Variants in BIRC6 observed in about 807,000 individuals in gnomAD.
BIRC6 encodes baculoviral IAP repeat containing 6.
In BIRC6, 98 loss-of-function variants were observed where a neutral mutation model predicts 503.3. That is an observed-to-expected ratio of 0.19 (90% CI 0.17 to 0.23). The LOEUF (loss-of-function observed/expected upper bound fraction) is 0.23. BIRC6 is among the 10% of genes least tolerant of loss of function. The pLI is 1.00. For missense variants in BIRC6, 5,360 were observed against 5,806.0 expected (o/e 0.92, Z 2.50); for synonymous variants, 2,240 against 2,078.7 (o/e 1.08, Z -2.11).
chr2:32,461,975 G>A (rs2048041983), intron 23 of BIRC6, among the ~76,000 whole-genome samples: 2 of 151,672 alleles, frequency 1.3e-5, no homozygotes, highest in Non-Finnish European at 2.9e-5. Context: ...ATACGCTTTG[G>A]TTCTGATCCT....
intron 55 of BIRC6, among the ~76,000 whole-genome samples, 189 bp from the exon 56 acceptor site, chr2:32,518,064 TA>T (rs369464738): frequency 4.6e-5 from 7 of 151,844 alleles, no homozygotes; most frequent in African/African-American, 1.7e-4. Flanking sequence ...TATTTTAAGA[TA>T]AAATCATTTC....
At chr2:32,481,014 G>T (rs906015742) in intron 37 of BIRC6, among the ~76,000 whole-genome samples, 1 of 151,998 alleles carries the variant, frequency 6.6e-6, no homozygotes, top group Non-Finnish European at 1.5e-5. Flanking sequence ...CTGTAATAAT[G>T]AATTACATGT....
chr2:32,439,030 A>T (rs535327747), intron 15 of BIRC6, among the ~76,000 whole-genome samples: 1 of 152,290 alleles, frequency 6.6e-6, no homozygotes, highest in African/African-American at 2.4e-5. Context: ...AGTGACTCCA[A>T]AGCCTGCATG....
intron 4 of BIRC6, 112 bp from the exon 5 acceptor site, chr2:32,391,927 C>A: frequency 1.5e-6 from 1 of 664,308 alleles, no homozygotes; most frequent in Admixed American, 3.3e-5. Context: ...TTCATCAGAC[C>A]ATTTGCAGTT....
At chr2:32,410,909 CCA>C (rs2041800012) in intron 9 of BIRC6, among the ~76,000 whole-genome samples, 1 of 152,076 alleles carries the variant, frequency 6.6e-6, no homozygotes, top group African/African-American at 2.4e-5. Flanking sequence ...GCTGTGTTAG[CCA>C]GGATGGTCTT....
intron 63 of BIRC6, 29 bp from the exon 64 acceptor site, chr2:32,547,821 A>G (rs779120928): frequency 2.0e-6 from 3 of 1,511,076 alleles, no homozygotes; most frequent in South Asian, 1.3e-5. Flanking sequence ...AACAAATTGT[A>G]ATGGATTTTC....
At chr2:32,525,099 G>C in intron 58 of BIRC6, 80 bp downstream of exon 58, 1 of 1,187,866 alleles carries the variant, frequency 8.4e-7, no homozygotes, top group Non-Finnish European at 1.1e-6. Flanking sequence ...GGAAATTTAT[G>C]TAATACATTG....
chr2:32,486,319 T>C (rs182785650), intron 40 of BIRC6, among the ~76,000 whole-genome samples: 4 of 152,330 alleles, frequency 2.6e-5, no homozygotes, highest in Admixed American at 2.6e-4. Flanking sequence ...TTGAAACTAC[T>C]CAACTCTGAC....
intron 39 of BIRC6, among the ~76,000 whole-genome samples, chr2:32,485,170 G>A (rs918484579): frequency 3.5e-5 from 5 of 143,556 alleles, no homozygotes; most frequent in Admixed American, 3.4e-4. Context: ...TCATTTCCTC[G>A]TGGTGGACAG....
chr2:32,438,976 G>A (rs1347801783), intron 15 of BIRC6, among the ~76,000 whole-genome samples: 1 of 152,158 alleles, frequency 6.6e-6, no homozygotes, highest in East Asian at 1.9e-4. Context: ...AGGATAATTT[G>A]TCATGTGCCT....
At chr2:32,433,965 A>G (rs530485769) in intron 13 of BIRC6, among the ~76,000 whole-genome samples, 161 bp downstream of exon 13, 6 of 152,350 alleles carry the variant, frequency 3.9e-5, no homozygotes, top group Non-Finnish European at 7.3e-5. Context: ...TTCAGAGAAC[A>G]TTTCAGAACT....
chr2:32,473,706 CGTGT>C (rs70938348), intron 33 of BIRC6, among the ~76,000 whole-genome samples: 2,556 of 72,674 alleles, frequency 0.035, 46 homozygotes, highest in African/African-American at 0.066. Context: ...TCTCCTTTTT[CGTGT>C]GTGTGTGTGT....
chr2:32,537,514 T>A (rs974102196), intron 61 of BIRC6, among the ~76,000 whole-genome samples: 5 of 152,138 alleles, frequency 3.3e-5, no homozygotes, highest in African/African-American at 1.2e-4. Context: ...CAAAAAAATC[T>A]GTCATCCTAG....
chr2:32,465,936 TAAC>T (rs899363527), intron 26 of BIRC6, among the ~76,000 whole-genome samples: 6 of 152,214 alleles, frequency 3.9e-5, no homozygotes, highest in African/African-American at 1.4e-4. Flanking sequence ...CATTCATTGG[TAAC>T]AACATTAGTG....
At position 32,479,494 on chromosome 2, in the gene BIRC6, A is replaced by C. The variant is rs2050141477; in HGVS notation, c.7285A>C (p.Met2429Leu). ...ELLAPVAAEA[M>L]EEGTVGDDVG... ...ACTGGCTCCAGTAGCCGCAGAAGCCATGGAGGAAGGAACAGTGGGTGATGA... is the reference window on the plus strand; with the variant it reads ...ACTGGCTCCAGTAGCCGCAGAAGCCCTGGAGGAAGGAACAGTGGGTGATGA... The change falls in exon 37 of 74, where the codon ATG (methionine) becomes CTG (leucine). Residue 2429 changes from methionine (M) to leucine (L), a missense_variant. Met to Leu is a conservative substitution (Grantham distance 15). Around this residue, in one of 16 missense-constraint regions of BIRC6, gnomAD observed 2,299 missense variants for 2,267.2 expected, o/e 1.01. Transcript: ENST00000421745. 6.2e-7 allele frequency: 1 copy of C among 1,604,524 alleles called. No individual in the cohort carries two copies. The highest frequency in any genetic ancestry group is 8.5e-7 in the Non-Finnish European group (1 of 1,175,156).
At chr2:32,512,149 T>C (rs898828023) in intron 53 of BIRC6, among the ~76,000 whole-genome samples, 2 of 152,236 alleles carry the variant, frequency 1.3e-5, no homozygotes, top group African/African-American at 4.8e-5. Flanking sequence ...CCTTGTCTTC[T>C]GAATTCTCTT....
chr2:32,373,487 G>C (rs369183998), intron 1 of BIRC6, among the ~76,000 whole-genome samples: 1 of 152,156 alleles, frequency 6.6e-6, no homozygotes, highest in African/African-American at 2.4e-5. Context: ...TGGGGGAAGC[G>C]ACAATCTTTT....
Position 32,464,653 on chromosome 2 carries a change from C to T in BIRC6, c.5086C>T (p.Pro1696Ser), listed in dbSNP as rs1308419123. Residue 1696 changes from proline to serine, a missense_variant, in exon 25 of 74, where the codon CCC becomes TCC. Physicochemically the swap from Pro to Ser is moderately conservative, Grantham distance 74. Around this residue, in one of 16 missense-constraint regions of BIRC6, gnomAD observed 2,299 missense variants for 2,267.2 expected, o/e 1.01. Transcript: ENST00000421745. Reference protein sequence around the residue: ...FFIHPSDVIPPTPKTTPLFMT... With the variant: ...FFIHPSDVIPSTPKTTPLFMT... ...CATTCATCCATCTGATGTTATTCCA[C>T]CCACTCCAAAAACAACACCTCTTTT... 2 of 1,613,846 alleles carry T rather than the reference C, an allele frequency of 1.2e-6. No individual in the cohort carries two copies. The highest frequency in any genetic ancestry group is 2.2e-5 in the East Asian group (1 of 44,884).
chr2:32,541,203 A>G (rs2057636972), intron 61 of BIRC6, among the ~76,000 whole-genome samples: 1 of 152,126 alleles, frequency 6.6e-6, no homozygotes, highest in Non-Finnish European at 1.5e-5. Context: ...GCAGCATAAA[A>G]TAATAAATAT....
Sources: allele counts gnomAD v4.1 joint callset (sites outside exome capture counted in the v4.1 genomes callset), GRCh38; gene constraint gnomAD v4.1.1; regional missense constraint gnomAD v4.1.1; transcripts MANE v1.5; gene names NCBI Gene and HGNC (gene_info 2026-07-23, HGNC 2026-07-21).